ZNF250: variants seen among roughly 807,000 people sequenced by gnomAD.
ZNF250 encodes zinc finger protein 250, also known as zinc finger protein (clone 647).
In ZNF250, 13 loss-of-function variants were observed where a neutral mutation model predicts 37.1. That is an observed-to-expected ratio of 0.35 (90% confidence interval 0.23 to 0.56). The LOEUF (loss-of-function observed/expected upper bound fraction) is 0.56, where lower values mean the gene tolerates loss of function less well. Ranked by LOEUF, ZNF250 falls within the 20% of genes least tolerant of loss-of-function variation. ZNF250 has a pLI of 0.87. For synonymous variants in ZNF250, 251 were observed against 265.6 expected, an observed-to-expected ratio of 0.94 and a Z score of 0.54; for missense variants, 474 against 697.9, an observed-to-expected ratio of 0.68 and a Z score of 3.61.
At position 144,887,252 on chromosome 8, in the gene ZNF250, C is replaced by CAA. The variant is rs56677445; in HGVS notation, c.284-352_284-351dup. ...GGGGACAGAGTGAAACTCCGTCTCTCAAAAAAAAAAAAAAAAAAAAAAAAA... is the reference window on the plus strand; with the variant it reads ...GGGGACAGAGTGAAACTCCGTCTCTCAAAAAAAAAAAAAAAAAAAAAAAAAAA... On this transcript the variant is annotated intron_variant, in intron 4 of 5. Coordinates refer to ENST00000417550, the MANE Select transcript of ZNF250 (RefSeq NM_001109689.4). Among the ~76,000 whole-genome samples, 117 of 63,042 alleles carry CAA rather than the reference C, an allele frequency of 1.9e-3. 5 individuals carry two copies. Among genetic ancestry groups the CAA allele is most frequent in the African/African-American group, 6.4e-3 (85 of 13,220 alleles). 41.4% of individuals were successfully genotyped at this position (63,042 alleles called of 152,430 possible). A position where few individuals can be genotyped will look rare whatever the true frequency, so the allele number is the denominator to read the frequency against.
chr8:144,899,753 T>C (rs1157810371), intron 1 of ZNF250, among the ~76,000 whole-genome samples: 1 of 152,138 alleles, frequency 6.6e-6, no homozygotes, highest in Non-Finnish European at 1.5e-5. Context: ...AGATCAATGG[T>C]GTTAGAAATG....
chr8:144,892,885 A>G (rs375681568), intron 1 of ZNF250, among the ~76,000 whole-genome samples: 2 of 123,594 alleles, frequency 1.6e-5, no homozygotes, highest in Non-Finnish European at 1.7e-5. Flanking sequence ...TTTGAGACGA[A>G]GTCTTGCTCT....
rs1831318344 is a variant in ZNF250, at chr8:144,879,501, T to G, written c.*2014A>C. 1 of 152,296 alleles carries G rather than the reference T, an allele frequency of 6.6e-6. No homozygotes were observed. The highest frequency in any genetic ancestry group is 1.5e-5 in the Non-Finnish European group (1 of 68,088). The allele number at this position is 152,296 out of a possible 1,614,324, so 9.4% of individuals were successfully genotyped here. A position where few individuals can be genotyped will look rare whatever the true frequency, so the allele number is the denominator to read the frequency against. ...GGGAGGACTGCTTCAGCCCAGGAGTTTGAGGCAGCGGTGAGCCATGATGGC... is the reference window on the plus strand; with the variant it reads ...GGGAGGACTGCTTCAGCCCAGGAGTGTGAGGCAGCGGTGAGCCATGATGGC... On this transcript the variant is annotated 3_prime_UTR_variant, in exon 6 of 6. Coordinates refer to ENST00000417550, the MANE Select transcript of ZNF250 (RefSeq NM_001109689.4).
chr8:144,893,888 C>G (rs924419894), intron 1 of ZNF250, among the ~76,000 whole-genome samples: 3 of 152,180 alleles, frequency 2.0e-5, no homozygotes, highest in Non-Finnish European at 4.4e-5. Flanking sequence ...TGTTTATGCA[C>G]CTCAGTACTC....
chr8:144,881,128 A>G lies in ZNF250; in HGVS notation c.*387T>C, dbSNP rs1267178340. 1 of 171,810 alleles carries G rather than the reference A, an allele frequency of 5.8e-6. No homozygotes were observed. The highest frequency in any genetic ancestry group is 1.3e-5 in the Non-Finnish European group (1 of 79,454). 10.6% of individuals were successfully genotyped at this position (171,810 alleles called of 1,614,324 possible). On this transcript the variant is annotated 3_prime_UTR_variant, in exon 6 of 6. Transcript: ENST00000417550. ...GCAATAATTAGTATGGTTAATTGAT[A>G]TTTAGGAAGGGCATGTAATGTTCTT...
chr8:144,883,871 GCTGAGGACAACAGT>G (rs1831681595), intron 5 of ZNF250, among the ~76,000 whole-genome samples: 1 of 152,042 alleles, frequency 6.6e-6, no homozygotes, highest in Non-Finnish European at 1.5e-5. Context: ...GGTAAGAGGT[GCTGAGGACAACAGT>G]GATTTTTTTT....
At position 144,882,112 on chromosome 8, in the gene ZNF250, G is replaced by A. The variant is rs776406763; in HGVS notation, c.1071C>T (p.Thr357=). ...RTLLQHQRIH[T]GEKPYTCSEC... ...CGCTGCACGTGTAGGGCTTCTCCCC[G>A]GTGTGGATCCTCTGGTGCTGCAGCA... Residue 357 remains threonine (T), a synonymous_variant, in exon 6 of 6, where the codon ACC becomes ACT. Coordinates refer to ENST00000417550, the MANE Select transcript of ZNF250 (RefSeq NM_001109689.4). The surrounding 1 kb of genome is among the most constrained non-coding windows in gnomAD (Gnocchi z 5.5). 31 of 1,611,232 alleles carry A rather than the reference G, an allele frequency of 1.9e-5. No homozygotes were observed. The highest frequency in any genetic ancestry group is 8.1e-5 in the African/African-American group (6 of 74,064).
chr8:144,900,946 C>A (rs545308489), intron 1 of ZNF250, among the ~76,000 whole-genome samples: 1 of 152,216 alleles, frequency 6.6e-6, no homozygotes, highest in African/African-American at 2.4e-5. Flanking sequence ...GCAAGAAGAG[C>A]GGCCCGGGGG....
chr8:144,887,811 C>T (rs1004303818), intron 4 of ZNF250, among the ~76,000 whole-genome samples: 1 of 152,232 alleles, frequency 6.6e-6, no homozygotes, highest in African/African-American at 2.4e-5. Flanking sequence ...TGTATAGTCA[C>T]TGGAAAATTA....
rs1054356882 is a variant in ZNF250 at position 144,880,726 on chromosome 8, T to G, written c.*789A>C. The G allele has an allele frequency of 3.0e-6, 1 of 328,804 alleles. No homozygotes were observed. Among genetic ancestry groups the G allele is most frequent in the Non-Finnish European group, 6.1e-6 (1 of 163,322 alleles). The allele number at this position is 328,804 out of a possible 1,614,324, so 20.4% of individuals were successfully genotyped here. A position where few individuals can be genotyped will look rare whatever the true frequency, so the allele number is the denominator to read the frequency against. On this transcript the variant is annotated 3_prime_UTR_variant, in exon 6 of 6. Transcript: ENST00000417550. ...TAAAAATACAAAAATTAGCCAGGTG[T>G]GGTGGCGCATATCTATAATCCTAGT...
In ZNF250 at chr8:144,880,491, T is replaced by C. The variant is rs1486850378; in HGVS notation, c.*1024A>G. ...TCATAAGGGCAAGTTTTGAGGAAAA[T>C]ACCCATTTTTGAGTTGAATTTTTAC... On this transcript the variant is annotated 3_prime_UTR_variant, in exon 6 of 6. Coordinates refer to ENST00000417550, the MANE Select transcript of ZNF250 (RefSeq NM_001109689.4). 1 of 456,574 alleles carries C rather than the reference T, an allele frequency of 2.2e-6. No individual in the cohort carries two copies. The highest frequency in any genetic ancestry group is 6.9e-5 in the East Asian group (1 of 14,394). The allele number at this position is 456,574 out of a possible 1,614,324, so 28.3% of individuals were successfully genotyped here. A position where few individuals can be genotyped will look rare whatever the true frequency, so the allele number is the denominator to read the frequency against.
chr8:144,888,287 T>G (rs990526888), intron 4 of ZNF250, among the ~76,000 whole-genome samples: 1 of 152,164 alleles, frequency 6.6e-6, no homozygotes, highest in African/African-American at 2.4e-5. Flanking sequence ...CTTTGCTGGT[T>G]GCTGACAAAT....
chr8:144,894,852 C>T (rs1431145969), intron 1 of ZNF250, among the ~76,000 whole-genome samples: 1 of 150,648 alleles, frequency 6.6e-6, no homozygotes, highest in Non-Finnish European at 1.5e-5. Context: ...TTGGTAGAGA[C>T]GAGGTCTTGC....
At chr8:144,886,731 GT>G in intron 5 of ZNF250, 108 bp downstream of exon 5, 1 of 887,412 alleles carries the variant, frequency 1.1e-6, no homozygotes, top group Non-Finnish European at 1.7e-6. Context: ...AATTGTGTGA[GT>G]TGTTTAACAC....
intron 1 of ZNF250, among the ~76,000 whole-genome samples, chr8:144,898,646 G>A (rs1832884121): frequency 6.6e-6 from 1 of 152,138 alleles, no homozygotes; most frequent in Non-Finnish European, 1.5e-5. Flanking sequence ...GCAGAGTGAA[G>A]AAACAACATA....
chr8:144,896,480 C>G (rs965680508), intron 1 of ZNF250, among the ~76,000 whole-genome samples: 6 of 152,138 alleles, frequency 3.9e-5, no homozygotes, highest in African/African-American at 1.4e-4. Context: ...CTGGAACGAG[C>G]CTGTAACAGG....
chr8:144,883,403 A>T (rs1308371882), intron 5 of ZNF250, among the ~76,000 whole-genome samples: 1 of 151,176 alleles, frequency 6.6e-6, no homozygotes, highest in African/African-American at 2.4e-5. Context: ...GCAGTGGCAC[A>T]ATCTCGGTTC....
At chr8:144,895,352 G>C (rs1056480777) in intron 1 of ZNF250, 1 of 152,174 alleles carries the variant, frequency 6.6e-6, no homozygotes, top group South Asian at 2.1e-4. Flanking sequence ...AGCCCATGAA[G>C]GGTATGTGTG....
chr8:144,883,164 A>C (rs1831620726), intron 5 of ZNF250, among the ~76,000 whole-genome samples: 1 of 152,204 alleles, frequency 6.6e-6, no homozygotes, highest in African/African-American at 2.4e-5. Context: ...TCATGTGGAC[A>C]GAGCTGAAAT....
Sources: gnomAD v4.1 joint callset for allele counts (sites outside exome capture counted in the v4.1 genomes callset) on GRCh38, gnomAD v4.1.1 for gene constraint, Gnocchi (gnomAD v3.1) non-coding constraint, MANE v1.5 for transcripts, NCBI Gene and HGNC (gene_info 2026-07-23, HGNC 2026-07-21) for gene names.